The following RBFOX1 variants were observed in gnomAD, a reference collection of about 807,000 sequenced individuals.
RBFOX1 encodes the protein RNA binding fox-1 homolog 1.
In RBFOX1, 8 loss-of-function variants were observed where a neutral mutation model predicts 57.7. The observed-to-expected ratio is 0.14, with a 90% CI of 0.08 to 0.25. RBFOX1 has a LOEUF of 0.25. RBFOX1 is among the 10% of genes least tolerant of loss of function. The pLI is 1.00. For missense variants in RBFOX1, 611 were observed against 548.5 expected, an observed-to-expected ratio of 1.11 and a Z score of -1.14; for synonymous variants, 326 against 222.4, an observed-to-expected ratio of 1.47 and a Z score of -4.15.
At chr16:5,949,885 G>T (rs745518756) in intron 4 of RBFOX1, among the ~76,000 whole-genome samples, 3 of 152,178 alleles carry the variant, frequency 2.0e-5, no homozygotes, top group Non-Finnish European at 2.9e-5. Flanking sequence ...TCAAGCTAGA[G>T]AGCTTCGGTC....
chr16:6,197,203 C>T (rs1323901210), intron 1 of RBFOX1, among the ~76,000 whole-genome samples: 2 of 152,056 alleles, frequency 1.3e-5, no homozygotes, highest in African/African-American at 4.8e-5. Context: ...TCCTCTGCAC[C>T]CTCCCTCTGG....
At chr16:5,396,732 C>G (rs2066569730) in intron 1 of RBFOX1, among the ~76,000 whole-genome samples, 1 of 152,174 alleles carries the variant, frequency 6.6e-6, no homozygotes, top group African/African-American at 2.4e-5. Flanking sequence ...TGTATCGTGG[C>G]TTAACCTAGA....
chr16:6,973,902 C>T (rs1198047026), intron 3 of RBFOX1, among the ~76,000 whole-genome samples: 1 of 152,168 alleles, frequency 6.6e-6, no homozygotes, highest in Non-Finnish European at 1.5e-5. Context: ...GCCCAGCATA[C>T]ATTAGCTTTT....
chr16:7,687,187 C>T (rs774669043), intron 14 of RBFOX1, among the ~76,000 whole-genome samples: 1 of 151,944 alleles, frequency 6.6e-6, no homozygotes, highest in East Asian at 1.9e-4. Context: ...TATTGAAGTA[C>T]ACGTGACAAC....
At chr16:6,924,033 G>A (rs1450120201) in intron 3 of RBFOX1, among the ~76,000 whole-genome samples, 18 of 151,882 alleles carry the variant, frequency 1.2e-4, no homozygotes, top group Non-Finnish European at 4.4e-5. Flanking sequence ...AGTCAGGTAT[G>A]GTGGTACGTA....
At chr16:5,689,340 C>T (rs944149060) in intron 3 of RBFOX1, among the ~76,000 whole-genome samples, 5 of 152,186 alleles carry the variant, frequency 3.3e-5, no homozygotes, top group Admixed American at 3.3e-4. Flanking sequence ...AGTTAGATAA[C>T]ATATATGCAG....
chr16:7,224,129 A>AAAC (rs1457535072), intron 4 of RBFOX1, among the ~76,000 whole-genome samples: 51 of 129,902 alleles, frequency 3.9e-4, no homozygotes, highest in Non-Finnish European at 7.1e-4. Context: ...CCTTTTTCTA[A>AAAC]AAAAAAAAAA....
At chr16:5,342,080 T>A (rs548167706) in intron 1 of RBFOX1, among the ~76,000 whole-genome samples, 1 of 152,258 alleles carries the variant, frequency 6.6e-6, no homozygotes, top group Non-Finnish European at 1.5e-5. Context: ...TCTAAATTTT[T>A]ATTTCAGAGT....
At chr16:7,289,694 CTGA>C (rs1818326296) in intron 4 of RBFOX1, among the ~76,000 whole-genome samples, 1 of 152,136 alleles carries the variant, frequency 6.6e-6, no homozygotes, top group Non-Finnish European at 1.5e-5. Flanking sequence ...ATCCTTGAAG[CTGA>C]TATGTGTTGT....
chr16:6,336,632 T>A (rs1389474397), intron 2 of RBFOX1, among the ~76,000 whole-genome samples: 1 of 152,136 alleles, frequency 6.6e-6, no homozygotes, highest in Non-Finnish European at 1.5e-5. Flanking sequence ...ACTTTGCCAG[T>A]TGTCAACTTC....
chr16:5,965,051 C>G (rs906921542), intron 4 of RBFOX1, among the ~76,000 whole-genome samples: 3 of 152,108 alleles, frequency 2.0e-5, no homozygotes, highest in Admixed American at 6.6e-5. Flanking sequence ...CACAAATACT[C>G]TATAATATCA....
intron 5 of RBFOX1, among the ~76,000 whole-genome samples, chr16:7,547,908 G>T (rs2085065340): frequency 6.6e-6 from 1 of 152,162 alleles, no homozygotes; most frequent in Non-Finnish European, 1.5e-5. Context: ...CACCAGCCGT[G>T]TTCCCGTTTG....
Position 5,921,250 on chromosome 16 carries a change from C to T in RBFOX1, c.351+53915C>T, listed in dbSNP as rs762529742. 7.9e-5 allele frequency among the ~76,000 whole-genome samples: 12 copies of T among 152,212 alleles called. 1 individual carries two copies. The highest frequency in any genetic ancestry group is 6.2e-4 in the South Asian group (3 of 4,832). ...ATAATGAGCTTTCTGTGTAGCTTCT[C>T]ATGTGACCAGGATCTTTCCCTCTTT... On this transcript the variant is annotated intron_variant, in intron 4 of 19. Transcript: ENST00000641259.
chr16:7,186,807 C>G (rs905556426), intron 4 of RBFOX1, among the ~76,000 whole-genome samples: 4 of 150,922 alleles, frequency 2.7e-5, no homozygotes, highest in African/African-American at 2.4e-5. Context: ...AGTATCCAGT[C>G]TGTATTAAAA....
At chr16:7,398,871 G>C (rs945819294) in intron 4 of RBFOX1, among the ~76,000 whole-genome samples, 1 of 152,184 alleles carries the variant, frequency 6.6e-6, no homozygotes, top group Non-Finnish European at 1.5e-5. Flanking sequence ...TGGGGCTAGA[G>C]GGTTCCCTAT....
chr16:7,702,227 A>G (rs1205515701), intron 14 of RBFOX1, among the ~76,000 whole-genome samples: 1 of 152,202 alleles, frequency 6.6e-6, no homozygotes. Context: ...TAAGAGACTG[A>G]TCATTTCAGA....
chr16:6,510,970 G>A lies in RBFOX1; in HGVS notation c.-63-143633G>A, dbSNP rs553929290. ...TTGAAATGTGGTGTGTGCTGCTTCT[G>A]TCTCCCACGGCAGCATCCAATGCTG... On this transcript the variant is annotated intron_variant, in intron 2 of 15. Transcript: ENST00000550418. 3.3e-5 allele frequency among the ~76,000 whole-genome samples: 5 copies of A among 152,260 alleles called. No individual in the cohort carries two copies. In the East Asian group the frequency reaches 9.7e-4, roughly 29 times the overall value.
At chr16:7,360,449 G>C (rs927408705) in intron 4 of RBFOX1, among the ~76,000 whole-genome samples, 1 of 152,124 alleles carries the variant, frequency 6.6e-6, no homozygotes, top group South Asian at 2.1e-4. Context: ...ATATTAGCGA[G>C]AATGGGAGAA....
chr16:5,281,755 T>A (rs1369736362), intron 1 of RBFOX1, among the ~76,000 whole-genome samples: 1 of 152,236 alleles, frequency 6.6e-6, no homozygotes, highest in Non-Finnish European at 1.5e-5. Context: ...ATGATTACTT[T>A]TGATTTCTGT....
Sources: gnomAD v4.1 joint callset for allele counts (sites outside exome capture counted in the v4.1 genomes callset) on GRCh38, gnomAD v4.1.1 for gene constraint, MANE v1.5 for transcripts, NCBI Gene and HGNC (gene_info 2026-07-23, HGNC 2026-07-21) for gene names.